The following KIRREL3 variants were observed in gnomAD, a reference collection of about 807,000 sequenced individuals.
The protein encoded by KIRREL3 is kirre like nephrin family adhesion molecule 3.
In KIRREL3, 36 loss-of-function variants were observed where a neutral mutation model predicts 89.7. That is an observed-to-expected ratio of 0.40 (90% CI 0.31 to 0.53). The LOEUF is 0.53. Among genes scored for constraint, KIRREL3 ranks in the 20% least tolerant of loss-of-function variants. The pLI is 0.49. For missense variants in KIRREL3, 864 were observed against 1,056.6 expected (o/e 0.82, Z 2.53); for synonymous variants, 445 against 441.4 (o/e 1.01, Z -0.10).
chr11:126,638,082 A>G (rs1158383333), intron 1 of KIRREL3, among the ~76,000 whole-genome samples: 3 of 152,262 alleles, frequency 2.0e-5, no homozygotes, highest in Admixed American at 6.5e-5. Context: ...TGTAAAATCT[A>G]TACTTACTCA....
At position 126,924,183 on chromosome 11, in the gene KIRREL3, TC is replaced by T. The variant is rs1487670179; in HGVS notation, c.55+76271del. 6.6e-6 allele frequency among the ~76,000 whole-genome samples: 1 copy of T among 152,168 alleles called. No individual in the cohort carries two copies. The highest frequency in any genetic ancestry group is 2.4e-5 in the African/African-American group (1 of 41,438). On this transcript the variant is annotated intron_variant, in intron 1 of 16. Transcript: ENST00000525144. This position sits in a 1 kb window ranked among gnomAD's most constrained non-coding sequence, Gnocchi z 4.7. The stretch of plus-strand genomic sequence containing the variant: ...TCTTGATCCTGTCCCCTGGGTTCCT[TC>T]CCCCTTTCCCTGGCTCAGGCCACCA...
intron 1 of KIRREL3, among the ~76,000 whole-genome samples, chr11:126,971,861 G>A (rs1201839444): frequency 6.6e-6 from 1 of 152,088 alleles, no homozygotes; most frequent in African/African-American, 2.4e-5. Context: ...CTGAGTGCTT[G>A]GTACAGAAAA....
chr11:126,502,480 C>T (rs1251915492), intron 4 of KIRREL3, among the ~76,000 whole-genome samples: 7 of 152,206 alleles, frequency 4.6e-5, no homozygotes, highest in Admixed American at 3.3e-4. Context: ...TGGTTCACAG[C>T]GAGTGCTAAA....
intron 1 of KIRREL3, among the ~76,000 whole-genome samples, chr11:126,930,067 AT>A (rs5795538): frequency 1 from 151,666 of 151,690 alleles, 75,822 homozygotes; most frequent in Middle Eastern, 1. Flanking sequence ...CAGCATAATT[AT>A]TTGTTGTACA....
chr11:126,475,617 T>C lies in KIRREL3; in HGVS notation c.434-2151A>G, dbSNP rs1329031628. Among the ~76,000 whole-genome samples the C allele has an allele frequency of 1.3e-5, 2 of 151,712 alleles. No homozygotes were observed. Among genetic ancestry groups the C allele is most frequent in the Non-Finnish European group, 2.9e-5 (2 of 67,970 alleles). On this transcript the variant is annotated intron_variant, in intron 4 of 16. Transcript: ENST00000525144. This position sits in a 1 kb window ranked among gnomAD's most constrained non-coding sequence, Gnocchi z 7.5. ...AGAGTCTGCCTCAGGCAACCCTGCC[T>C]GGCCCTGGGCTCTTGAGCCGGGAGG...
chr11:126,444,499 C>T (rs758592393), intron 10 of KIRREL3, among the ~76,000 whole-genome samples: 1 of 152,224 alleles, frequency 6.6e-6, no homozygotes, highest in Non-Finnish European at 1.5e-5. Context: ...GTGGCACGTG[C>T]CTGTAGTCCC....
chr11:126,557,325 G>A lies in KIRREL3; in HGVS notation c.133+5510C>T, dbSNP rs921859681. Reference sequence around the variant, plus strand: ...CTTCAGAGGCTGCCAAGGAAAGCCAGTCTATTGACTTTTTTGTACTGGTTC... The same window carrying A: ...CTTCAGAGGCTGCCAAGGAAAGCCAATCTATTGACTTTTTTGTACTGGTTC... On this transcript the variant is annotated intron_variant, in intron 2 of 16. Transcript: ENST00000525144. The surrounding 1 kb of genome is among the most constrained non-coding windows in gnomAD (Gnocchi z 5.6). 1.3e-5 allele frequency among the ~76,000 whole-genome samples: 2 copies of A among 152,218 alleles called. No individual in the cohort carries two copies. The highest frequency in any genetic ancestry group is 1.5e-5 in the Non-Finnish European group (1 of 68,040).
rs181250586 is a variant in KIRREL3 at position 126,703,345 on chromosome 11, G to A, written c.56-140433C>T. 2.3e-3 allele frequency among the ~76,000 whole-genome samples: 345 copies of A among 152,368 alleles called. 2 individuals are homozygous for A. Among genetic ancestry groups the A allele is most frequent in the African/African-American group, 8.1e-3 (335 of 41,582 alleles). On this transcript the variant is annotated intron_variant, in intron 1 of 16. Coordinates refer to ENST00000525144, the MANE Select transcript of KIRREL3 (RefSeq NM_032531.4). The surrounding 1 kb of genome is among the most constrained non-coding windows in gnomAD (Gnocchi z 4.6). ...TTCTCTGCAGCAGCTTTGCTCATGG[G>A]GCACTGGTGAGCAGCAAACAGAATC... is the stretch of plus-strand genomic sequence containing the variant.
intron 1 of KIRREL3, among the ~76,000 whole-genome samples, chr11:126,889,112 C>T (rs547704040): frequency 2.6e-4 from 40 of 152,208 alleles, no homozygotes; most frequent in African/African-American, 8.2e-4. Context: ...GGGGTTCTGC[C>T]GTGTGTACAC....
rs905097172 is a variant in KIRREL3, at chr11:126,622,921, T to C, written c.56-60009A>G. 6.6e-6 allele frequency among the ~76,000 whole-genome samples: 1 copy of C among 152,204 alleles called. No homozygotes were observed. The highest frequency in any genetic ancestry group is 2.4e-5 in the African/African-American group (1 of 41,454). On this transcript the variant is annotated intron_variant, in intron 1 of 16. Transcript: ENST00000525144. This position sits in a 1 kb window ranked among gnomAD's most constrained non-coding sequence, Gnocchi z 5.2. The stretch of plus-strand genomic sequence containing the variant: ...TACTATCATTAGCTACATTTCATAA[T>C]GAGGAAATGGAAGTACCTAGAGGTT...
At chr11:126,885,299 G>GTA (rs1457951060) in intron 1 of KIRREL3, among the ~76,000 whole-genome samples, 1 of 152,186 alleles carries the variant, frequency 6.6e-6, no homozygotes, top group Non-Finnish European at 1.5e-5. Context: ...AAATATCCCA[G>GTA]TATGGTGCCA....
intron 2 of KIRREL3, among the ~76,000 whole-genome samples, chr11:126,540,236 C>T (rs7104948): frequency 6.6e-6 from 1 of 152,202 alleles, no homozygotes; most frequent in African/African-American, 2.4e-5. Flanking sequence ...CTGATACACA[C>T]GTAAGGAGAA....
chr11:126,819,588 G>C (rs1389451097), intron 1 of KIRREL3, among the ~76,000 whole-genome samples: 3 of 152,212 alleles, frequency 2.0e-5, no homozygotes, highest in Non-Finnish European at 4.4e-5. Flanking sequence ...CTGCTTCGCA[G>C]GTACGATGGC....
intron 1 of KIRREL3, among the ~76,000 whole-genome samples, chr11:126,834,946 C>A (rs1440372874): frequency 1.3e-5 from 2 of 152,244 alleles, no homozygotes; most frequent in Non-Finnish European, 2.9e-5. Context: ...CACAGGACAA[C>A]AAACAGATAT....
Position 126,879,222 on chromosome 11 carries a change from A to T in KIRREL3, c.55+121233T>A, listed in dbSNP as rs564001629. Among the ~76,000 whole-genome samples, 1 of 152,214 alleles carries T rather than the reference A, an allele frequency of 6.6e-6. No individual in the cohort carries two copies. The highest frequency in any genetic ancestry group is 2.4e-5 in the African/African-American group (1 of 41,460). On this transcript the variant is annotated intron_variant, in intron 1 of 16. Coordinates refer to ENST00000525144, the MANE Select transcript of KIRREL3 (RefSeq NM_032531.4). The surrounding 1 kb of genome is among the most constrained non-coding windows in gnomAD (Gnocchi z 5.4). ...CCTATAACCAGGATGCAGATGCTAT[A>T]TGCAGCTGTTATGCAAAGAAGCTCT...
chr11:126,956,902 C>T (rs924668555), intron 1 of KIRREL3, among the ~76,000 whole-genome samples: 23 of 152,162 alleles, frequency 1.5e-4, no homozygotes, highest in African/African-American at 4.3e-4. Flanking sequence ...GACACAGAGG[C>T]GCGAAAACAG....
At chr11:126,483,234 A>G (rs1207060485) in intron 4 of KIRREL3, among the ~76,000 whole-genome samples, 2 of 152,178 alleles carry the variant, frequency 1.3e-5, no homozygotes, top group East Asian at 1.9e-4. Context: ...TTTTTGTCCA[A>G]TCACATTTCT....
rs1950836410 is a variant in KIRREL3, at chr11:126,797,116, G to T, written c.55+203339C>A. Among the ~76,000 whole-genome samples the T allele has an allele frequency of 6.6e-6, 1 of 152,140 alleles. No individual in the cohort carries two copies. The highest frequency in any genetic ancestry group is 2.4e-5 in the African/African-American group (1 of 41,418). On this transcript the variant is annotated intron_variant, in intron 1 of 16. Transcript: ENST00000525144. The surrounding 1 kb of genome is among the most constrained non-coding windows in gnomAD (Gnocchi z 4.9). ...CAGATCCCCCAGAGCCCACATTCGG[G>T]GCCACCTGGAGTTAGCAAATCAGAG...
At position 126,946,723 on chromosome 11, in the gene KIRREL3, CACT is replaced by C. The variant is rs1948629207; in HGVS notation, c.55+53729_55+53731del. On this transcript the variant is annotated intron_variant, in intron 1 of 16. Coordinates refer to ENST00000525144, the MANE Select transcript of KIRREL3 (RefSeq NM_032531.4). The surrounding 1 kb of genome is among the most constrained non-coding windows in gnomAD (Gnocchi z 4.1). Reference sequence around the variant, plus strand: ...TCCTAATAACAGGTGTAATAATAATCACTACTCTTATTAATTTTGTACTTATCA... The same window carrying C: ...TCCTAATAACAGGTGTAATAATAATCACTCTTATTAATTTTGTACTTATCA... Among the ~76,000 whole-genome samples, 1 of 152,088 alleles carries C rather than the reference CACT, an allele frequency of 6.6e-6. No individual in the cohort carries two copies. Among genetic ancestry groups the C allele is most frequent in the Non-Finnish European group, 1.5e-5 (1 of 68,028 alleles).
Sources: gnomAD v4.1 joint callset for allele counts (sites outside exome capture counted in the v4.1 genomes callset) on GRCh38, gnomAD v4.1.1 for gene constraint, Gnocchi (gnomAD v3.1) non-coding constraint, MANE v1.5 for transcripts, NCBI Gene and HGNC (gene_info 2026-07-23, HGNC 2026-07-21) for gene names.